GALNT13: variants seen among roughly 807,000 people sequenced by gnomAD.
GALNT13 encodes UDP-GalNAc:polypeptide N-acetylgalactosaminyltransferase 13.
GALNT13 carries 28 observed loss-of-function variants against 64.2 expected under a neutral mutation model. The observed-to-expected ratio is 0.44, with a 90% CI of 0.32 to 0.60. The LOEUF is 0.60. GALNT13 is among the 20% of genes least tolerant of loss of function. The pLI is 0.05. For missense variants in GALNT13, 577 were observed against 669.8 expected (o/e 0.86, Z 1.53); for synonymous variants, 214 against 224.6 (o/e 0.95, Z 0.42).
At chr2:153,736,348 G>C in the GALNT13 span, among the ~76,000 whole-genome samples, 35 of 152,064 alleles carry the variant, frequency 2.3e-4, no homozygotes, top group Non-Finnish European at 4.3e-4. Flanking sequence ...GTGTCCTTTT[G>C]ACATGCTGCT....
At chr2:153,075,561 A>G in the GALNT13 span, among the ~76,000 whole-genome samples, 1 of 152,232 alleles carries the variant, frequency 6.6e-6, no homozygotes, top group East Asian at 1.9e-4. Flanking sequence ...GAGCAACTAA[A>G]TAATTCCTTT....
chr2:153,287,354 C>T, the GALNT13 span, among the ~76,000 whole-genome samples: 1 of 152,210 alleles, frequency 6.6e-6, no homozygotes, highest in Non-Finnish European at 1.5e-5. Flanking sequence ...CCTCTGCAGG[C>T]CGCTTGTGTT....
chr2:154,293,386 T>C (rs889815932), intron 8 of GALNT13, among the ~76,000 whole-genome samples: 47 of 152,172 alleles, frequency 3.1e-4, no homozygotes, highest in African/African-American at 7.7e-4. Context: ...AAACACAACA[T>C]TTTTAAGACC....
At chr2:154,067,326 A>T (rs13035455) in intron 3 of GALNT13, among the ~76,000 whole-genome samples, 30,539 of 152,038 alleles carry the variant, frequency 0.2, 4,012 homozygotes, top group Middle Eastern at 0.32. Flanking sequence ...AAACTCTCCA[A>T]TCAAAAGGCA....
intron 4 of GALNT13, among the ~76,000 whole-genome samples, chr2:154,180,082 G>T (rs894022808): frequency 3.9e-5 from 6 of 152,066 alleles, no homozygotes; most frequent in African/African-American, 1.4e-4. Flanking sequence ...ATTTATGAAG[G>T]TGTCATCAAG....
Position 154,107,014 on chromosome 2 carries a change from G to T in GALNT13, c.143-33323G>T, listed in dbSNP as rs193123829. On this transcript the variant is annotated intron_variant, in intron 3 of 12. Coordinates refer to ENST00000392825, the MANE Select transcript of GALNT13 (RefSeq NM_052917.4). Reference sequence around the variant, plus strand: ...ACTCTATTAGTTCCCAGGACAGCTGGTTTTTTTTGTTTTGTTTTGTTTTGT... The same window carrying T: ...ACTCTATTAGTTCCCAGGACAGCTGTTTTTTTTTGTTTTGTTTTGTTTTGT... 4.2e-3 allele frequency among the ~76,000 whole-genome samples: 551 copies of T among 130,988 alleles called. 3 individuals carry two copies. Among genetic ancestry groups the T allele is most frequent in the African/African-American group, 0.014 (527 of 37,732 alleles). 85.9% of individuals were successfully genotyped at this position (130,988 alleles called of 152,430 possible).
chr2:153,078,128 C>A, the GALNT13 span, among the ~76,000 whole-genome samples: 1 of 151,572 alleles, frequency 6.6e-6, no homozygotes, highest in African/African-American at 2.4e-5. Flanking sequence ...ATATCTTTTT[C>A]TTTGGTTATT....
At chr2:153,936,439 T>C (rs1015014065) in intron 2 of GALNT13, among the ~76,000 whole-genome samples, 1 of 152,166 alleles carries the variant, frequency 6.6e-6, no homozygotes, top group African/African-American at 2.4e-5. Flanking sequence ...GTAGATGGTC[T>C]GGAAACCAGC....
the GALNT13 span, among the ~76,000 whole-genome samples, chr2:153,073,614 C>T: frequency 6.6e-6 from 1 of 152,014 alleles, no homozygotes; most frequent in Non-Finnish European, 1.5e-5. Flanking sequence ...ATCAGTTTAT[C>T]TGTGAAGGTT....
intron 12 of GALNT13, among the ~76,000 whole-genome samples, chr2:154,450,087 T>C (rs1574336478): frequency 1.3e-5 from 2 of 152,182 alleles, no homozygotes; most frequent in Admixed American, 1.3e-4. Context: ...AGCTTGTTAA[T>C]ATTTGCAGTC....
At chr2:153,578,989 C>T in the GALNT13 span, among the ~76,000 whole-genome samples, 1 of 152,178 alleles carries the variant, frequency 6.6e-6, no homozygotes. Flanking sequence ...ATCTGGCTAA[C>T]GCATTCTAGG....
At chr2:153,610,963 A>G in the GALNT13 span, among the ~76,000 whole-genome samples, 203 of 152,322 alleles carry the variant, frequency 1.3e-3, 1 homozygote, top group African/African-American at 4.7e-3. Flanking sequence ...AAATAAAGGT[A>G]AAATTATAGG....
chr2:154,023,997 T>C (rs1324411068), intron 3 of GALNT13, among the ~76,000 whole-genome samples: 4 of 152,170 alleles, frequency 2.6e-5, no homozygotes, highest in Non-Finnish European at 5.9e-5. Flanking sequence ...GAAAATTCTT[T>C]TCTTTAAGAA....
chr2:153,071,863 A>G, the GALNT13 span, among the ~76,000 whole-genome samples: 3 of 152,176 alleles, frequency 2.0e-5, no homozygotes, highest in East Asian at 5.8e-4. Flanking sequence ...TGTAACAAAG[A>G]CCATATGTGG....
chr2:153,325,403 T>C, the GALNT13 span, among the ~76,000 whole-genome samples: 1 of 151,810 alleles, frequency 6.6e-6, no homozygotes, highest in East Asian at 1.9e-4. Context: ...CTTTATTCAT[T>C]TGACTAGCAG....
At chr2:153,610,241 T>C in the GALNT13 span, among the ~76,000 whole-genome samples, 1 of 152,074 alleles carries the variant, frequency 6.6e-6, no homozygotes, top group South Asian at 2.1e-4. Context: ...ATTGCACATA[T>C]ACGTACAAAT....
chr2:154,135,865 T>G (rs1574573095), intron 3 of GALNT13, among the ~76,000 whole-genome samples: 1 of 152,242 alleles, frequency 6.6e-6, no homozygotes, highest in East Asian at 1.9e-4. Context: ...CTCAAATAAT[T>G]ATCCTTGATA....
At chr2:154,141,836 C>T (rs980341259) in intron 4 of GALNT13, among the ~76,000 whole-genome samples, 7 of 152,048 alleles carry the variant, frequency 4.6e-5, no homozygotes, top group Admixed American at 3.9e-4. Context: ...GAAATATGCA[C>T]TTGGAAATAA....
chr2:154,299,101 CAGAT>C (rs372869840), intron 8 of GALNT13, among the ~76,000 whole-genome samples: 31 of 147,868 alleles, frequency 2.1e-4, no homozygotes, highest in East Asian at 2.0e-3. Flanking sequence ...TAAAAGGAAA[CAGAT>C]AGGATATAGA....
Sources: gnomAD v4.1 joint callset for allele counts (sites outside exome capture counted in the v4.1 genomes callset) on GRCh38, gnomAD v4.1.1 for gene constraint, MANE v1.5 for transcripts, NCBI Gene and HGNC (gene_info 2026-07-23, HGNC 2026-07-21) for gene names.